Variants in DSCAM observed in about 807,000 individuals in gnomAD.
DSCAM encodes DS cell adhesion molecule, also known as cell adhesion molecule DSCAM.
Under a neutral mutation model 217.7 loss-of-function variants are expected in DSCAM, and 47 were observed. That is an observed-to-expected ratio of 0.22 (90% CI 0.17 to 0.28). The LOEUF (loss-of-function observed/expected upper bound fraction) is 0.28. Among genes scored for constraint, DSCAM ranks in the 10% least tolerant of loss-of-function variants. The probability of loss-of-function intolerance (pLI) is 1.00; values close to 1 mark genes in which losing one functional copy is unlikely to be tolerated. For synonymous variants in DSCAM, 1,056 were observed against 1,015.3 expected (o/e 1.04, Z -0.76); for missense variants, 2,080 against 2,618.3 (o/e 0.79, Z 4.49).
At chr21:40,581,184 G>A (rs2076902853) in intron 3 of DSCAM, among the ~76,000 whole-genome samples, 1 of 152,184 alleles carries the variant, frequency 6.6e-6, no homozygotes, top group Admixed American at 6.5e-5. Flanking sequence ...AGCATATGTG[G>A]TCCTCTGGCA....
chr21:40,073,971 T>C (rs1247285946), intron 27 of DSCAM, among the ~76,000 whole-genome samples: 2 of 152,220 alleles, frequency 1.3e-5, no homozygotes, highest in Non-Finnish European at 2.9e-5. Flanking sequence ...AATTGTAATT[T>C]GTTGGCAGAG....
chr21:40,705,376 G>T (rs2090701896), intron 2 of DSCAM, among the ~76,000 whole-genome samples: 1 of 152,066 alleles, frequency 6.6e-6, no homozygotes, highest in Middle Eastern at 3.4e-3. Flanking sequence ...TCTTGAAAAT[G>T]GTTGCTTCAG....
At chr21:40,307,892 A>T (rs900603889) in intron 9 of DSCAM, among the ~76,000 whole-genome samples, 1 of 143,680 alleles carries the variant, frequency 7.0e-6, no homozygotes, top group Non-Finnish European at 1.5e-5. Context: ...ATGAGAACAC[A>T]TGGACACAGG....
chr21:40,742,539 A>G (rs2091134253), intron 1 of DSCAM, among the ~76,000 whole-genome samples: 1 of 152,210 alleles, frequency 6.6e-6, no homozygotes, highest in South Asian at 2.1e-4. Context: ...TCAGAGTTGC[A>G]AGAGAATAAA....
At chr21:40,597,959 G>A (rs2077034385) in intron 3 of DSCAM, among the ~76,000 whole-genome samples, 2 of 152,146 alleles carry the variant, frequency 1.3e-5, no homozygotes, top group African/African-American at 4.8e-5. Flanking sequence ...GTTAACTAAA[G>A]GCCGCGATTT....
chr21:40,291,370 T>C (rs2073890157), intron 10 of DSCAM, among the ~76,000 whole-genome samples: 1 of 152,218 alleles, frequency 6.6e-6, no homozygotes, highest in Non-Finnish European at 1.5e-5. Flanking sequence ...TCCTAGCTTC[T>C]GGCTTCAGCA....
intron 18 of DSCAM, among the ~76,000 whole-genome samples, chr21:40,138,299 G>C (rs1480294798): frequency 6.6e-6 from 1 of 150,720 alleles, no homozygotes; most frequent in Non-Finnish European, 1.5e-5. Flanking sequence ...GTACCTGTGT[G>C]CGTGGTGTGT....
chr21:40,202,605 G>A (rs908961688), intron 11 of DSCAM, among the ~76,000 whole-genome samples: 4 of 152,098 alleles, frequency 2.6e-5, no homozygotes, highest in Non-Finnish European at 5.9e-5. Flanking sequence ...AGCTCTTTAG[G>A]GTGTCCCAGG....
At chr21:40,355,778 C>T (rs1391888792) in intron 4 of DSCAM, among the ~76,000 whole-genome samples, 2 of 152,184 alleles carry the variant, frequency 1.3e-5, no homozygotes, top group African/African-American at 2.4e-5. Flanking sequence ...TATTCACTGT[C>T]CTATCAAATG....
chr21:40,456,806 CA>C (rs1408567931), intron 3 of DSCAM, among the ~76,000 whole-genome samples: 1 of 152,014 alleles, frequency 6.6e-6, no homozygotes, highest in Non-Finnish European at 1.5e-5. Context: ...AATGGGTGCT[CA>C]CAATACAATT....
intron 1 of DSCAM, among the ~76,000 whole-genome samples, chr21:40,787,553 A>C (rs1004690564): frequency 3.3e-5 from 5 of 152,326 alleles, no homozygotes; most frequent in African/African-American, 1.2e-4. Context: ...GGTTCATCTT[A>C]GCAGTCATGG....
intron 3 of DSCAM, among the ~76,000 whole-genome samples, chr21:40,679,511 G>A (rs553065604): frequency 6.6e-6 from 1 of 152,276 alleles, no homozygotes; most frequent in South Asian, 2.1e-4. Context: ...TTACTTAATG[G>A]GGTTGTCGAG....
chr21:40,704,724 T>C (rs775391724), intron 2 of DSCAM, among the ~76,000 whole-genome samples: 2 of 151,922 alleles, frequency 1.3e-5, no homozygotes, highest in Non-Finnish European at 2.9e-5. Context: ...TCAAAAATAT[T>C]AAAGAACAGA....
chr21:40,256,650 A>G (rs578079688), intron 11 of DSCAM, among the ~76,000 whole-genome samples: 4 of 152,302 alleles, frequency 2.6e-5, no homozygotes, highest in African/African-American at 9.6e-5. Flanking sequence ...AGGACCTTTA[A>G]TTGATGAAGC....
Position 40,016,127 on chromosome 21 carries a change from C to A in DSCAM, c.5687-2741G>T, listed in dbSNP as rs2088153448. 1.3e-5 allele frequency among the ~76,000 whole-genome samples: 2 copies of A among 152,088 alleles called. No homozygotes were observed. Among genetic ancestry groups the A allele is most frequent in the Admixed American group, 6.5e-5 (1 of 15,270 alleles). On this transcript the variant is annotated intron_variant, in intron 32 of 32. Coordinates refer to ENST00000400454, the MANE Select transcript of DSCAM (RefSeq NM_001389.5). This position sits in a 1 kb window ranked among gnomAD's most constrained non-coding sequence, Gnocchi z 4.3. Reference sequence around the variant, plus strand: ...GGTGTGTGGTCCTGGAGCGAGGGCCCAGGGTAAAGGATGTGCAGGGAGAGA... The same window carrying A: ...GGTGTGTGGTCCTGGAGCGAGGGCCAAGGGTAAAGGATGTGCAGGGAGAGA...
chr21:40,137,260 A>AC, intron 18 of DSCAM, among the ~76,000 whole-genome samples: 1 of 43,334 alleles, frequency 2.3e-5, no homozygotes, highest in East Asian at 5.0e-4. Flanking sequence ...TAGAATTAAC[A>AC]TTGGGGGGGG....
intron 3 of DSCAM, among the ~76,000 whole-genome samples, chr21:40,663,761 CT>C (rs1280935007): frequency 6.6e-6 from 1 of 152,202 alleles, no homozygotes. Context: ...AGCAGTAAGA[CT>C]GACAGCAAGA....
chr21:40,490,617 C>T (rs981331189), intron 3 of DSCAM, among the ~76,000 whole-genome samples: 2 of 152,162 alleles, frequency 1.3e-5, no homozygotes, highest in African/African-American at 4.8e-5. Context: ...TACCCCCACC[C>T]TGACGTCACA....
At chr21:40,791,915 A>AGAT (rs944371237) in intron 1 of DSCAM, among the ~76,000 whole-genome samples, 10 of 152,132 alleles carry the variant, frequency 6.6e-5, no homozygotes, top group African/African-American at 2.4e-4. Context: ...TCAGGACTAG[A>AGAT]GATGGTGTCT....
Sources: allele counts gnomAD v4.1 joint callset (sites outside exome capture counted in the v4.1 genomes callset), GRCh38; gene constraint gnomAD v4.1.1; non-coding constraint Gnocchi (gnomAD v3.1); transcripts MANE v1.5; gene names NCBI Gene and HGNC (gene_info 2026-07-23, HGNC 2026-07-21).